The following LTA4H variants were observed in gnomAD, a reference collection of about 807,000 sequenced individuals.
The protein encoded by LTA4H is leukotriene A4 hydrolase, also known as leukotriene A-4 hydrolase.
LTA4H carries 59 observed loss-of-function variants against 89.8 expected under a neutral mutation model. The ratio of observed to expected loss-of-function variants is 0.66; its 90% CI spans 0.53 to 0.82. LTA4H has a LOEUF of 0.82. Among genes scored for constraint, LTA4H ranks in the 40% least tolerant of loss-of-function variants. The pLI is 0.00. For synonymous variants in LTA4H, 227 were observed against 253.1 expected (o/e 0.90, Z 0.98); for missense variants, 617 against 727.0 (o/e 0.85, Z 1.74).
At chr12:96,025,742 G>A (rs760947037) in intron 3 of LTA4H, among the ~76,000 whole-genome samples, 19 of 151,278 alleles carry the variant, frequency 1.3e-4, no homozygotes, top group Admixed American at 7.2e-4. Context: ...TAAAAGGATC[G>A]CTTGAGCCCA....
chr12:96,030,315 C>T (rs1950558594), intron 1 of LTA4H, among the ~76,000 whole-genome samples: 1 of 152,150 alleles, frequency 6.6e-6, no homozygotes, highest in Non-Finnish European at 1.5e-5. Flanking sequence ...CCTTCACTCC[C>T]TAGCTCTTAC....
At chr12:96,006,270 C>T in intron 16 of LTA4H, 44 bp downstream of exon 16, 1 of 1,246,110 alleles carries the variant, frequency 8.0e-7, no homozygotes, top group Non-Finnish European at 1.2e-6. Context: ...AATGCTGTGC[C>T]TTTCTGTCCA....
intron 7 of LTA4H, 60 bp downstream of exon 7, chr12:96,019,108 C>A (rs375217111): frequency 6.8e-7 from 1 of 1,476,860 alleles, no homozygotes; most frequent in South Asian, 1.2e-5. Flanking sequence ...ACATTTCACA[C>A]TCAAAATCTT....
intron 13 of LTA4H, among the ~76,000 whole-genome samples, 193 bp downstream of exon 13, chr12:96,013,557 T>C (rs764978410): frequency 2.0e-5 from 3 of 152,156 alleles, no homozygotes; most frequent in Non-Finnish European, 2.9e-5. Flanking sequence ...ATTGATGACT[T>C]CTCTGAAATA....
chr12:96,003,758 A>G (rs1486601810), intron 17 of LTA4H, 80 bp downstream of exon 17: 1 of 906,950 alleles, frequency 1.1e-6, no homozygotes, highest in African/African-American at 1.7e-5. Flanking sequence ...TATGTCTCAT[A>G]CTCTGCATTC....
At chr12:96,038,215 T>A (rs962239095), upstream of LTA4H, among the ~76,000 whole-genome samples, 2 of 152,050 alleles carry the variant, frequency 1.3e-5, no homozygotes, top group Non-Finnish European at 2.9e-5. Context: ...GTGACGAAAT[T>A]TAGCTCCAGC....
upstream of LTA4H, chr12:96,035,760 G>T: frequency 1.1e-6 from 1 of 931,400 alleles, no homozygotes; most frequent in Non-Finnish European, 1.5e-6. Flanking sequence ...TGTGTGTTAG[G>T]GATGTTGAGG....
upstream of LTA4H, among the ~76,000 whole-genome samples, chr12:96,036,613 G>A (rs1950649720): frequency 2.6e-5 from 4 of 152,194 alleles, no homozygotes; most frequent in African/African-American, 2.4e-5. Flanking sequence ...TTAGGATAGA[G>A]AGGAAGGAAT....
chr12:96,021,127 G>C lies in LTA4H; in HGVS notation c.596C>G (p.Pro199Arg), dbSNP rs1010200942. Residue 199 changes from proline (P) to arginine (R), a missense_variant, in exon 6 of 19, where the codon CCC becomes CGC. Physicochemically the swap from Pro to Arg is moderately radical, Grantham distance 103. Coordinates refer to ENST00000228740, the MANE Select transcript of LTA4H (RefSeq NM_000895.3). The stretch of plus-strand genomic sequence containing the variant: ...AACAACTAAAGCAATCAGGTAGCAG[G>C]GTATTGGAACCTAAAGAGGGCAAAC... Reference protein sequence around the residue: ...IYKFIQKVPIPCYLIALVVGA... With the variant: ...IYKFIQKVPIRCYLIALVVGA... The C allele has an allele frequency of 6.3e-7, 1 of 1,597,628 alleles. No individual in the cohort carries two copies. The highest frequency in any genetic ancestry group is 8.5e-7 in the Non-Finnish European group (1 of 1,175,194).
Position 96,006,363 on chromosome 12 carries a change from T to C in LTA4H, c.1481A>G (p.Asp494Gly). The C allele has an allele frequency of 6.2e-7, 1 of 1,612,218 alleles. No homozygotes were observed. Among genetic ancestry groups the C allele is most frequent in the Non-Finnish European group, 8.5e-7 (1 of 1,179,098 alleles). Residue 494 changes from aspartate to glycine, a missense_variant, in exon 16 of 19, where the codon GAT becomes GGT. By Grantham distance (94) the Asp-to-Gly change is moderately conservative. This residue lies in a region of LTA4H where 290 missense variants were observed against 339.1 expected (regional missense o/e 0.86). Coordinates refer to ENST00000228740, the MANE Select transcript of LTA4H (RefSeq NM_000895.3). ...CTCATTCAATTGATGAGAAGAGAGA[T>C]CCTTCAGGTCTGTGGCATTGAATGA... ...LNSFNATDLK[D>G]LSSHQLNEFL... is the part of the protein sequence containing the mutation.
chr12:96,026,600 A>G (rs548995910), intron 3 of LTA4H, among the ~76,000 whole-genome samples: 1 of 152,316 alleles, frequency 6.6e-6, no homozygotes, highest in East Asian at 1.9e-4. Flanking sequence ...GATTAAAAAG[A>G]TGTTTCAAGT....
chr12:96,032,092 A>G (rs1439837078), intron 1 of LTA4H, among the ~76,000 whole-genome samples: 15 of 152,380 alleles, frequency 9.8e-5, no homozygotes, highest in Admixed American at 7.2e-4. Flanking sequence ...CCATGGCACT[A>G]AAACCTCTTG....
At chr12:96,033,751 C>A (rs1028210181) in intron 1 of LTA4H, among the ~76,000 whole-genome samples, 1 of 152,128 alleles carries the variant, frequency 6.6e-6, no homozygotes, top group Non-Finnish European at 1.5e-5. Flanking sequence ...TGTTCCCCTC[C>A]CTGTGTCCAT....
chr12:96,037,761 T>TCGG (rs3834482), upstream of LTA4H, among the ~76,000 whole-genome samples: 15,008 of 146,420 alleles, frequency 0.1, 972 homozygotes, highest in East Asian at 0.29. Context: ...TGGCGCAATC[T>TCGG]CGGCTCACAC....
chr12:96,028,172 C>T (rs1327002338), intron 2 of LTA4H, among the ~76,000 whole-genome samples: 1 of 152,102 alleles, frequency 6.6e-6, no homozygotes, highest in Admixed American at 6.6e-5. Context: ...TCCTTTACCC[C>T]AGAGAGTTTG....
chr12:96,030,606 T>G (rs1477820105), intron 1 of LTA4H, among the ~76,000 whole-genome samples: 1 of 152,226 alleles, frequency 6.6e-6, no homozygotes, highest in East Asian at 1.9e-4. Context: ...AAGTTGTTCT[T>G]TCACAATGTC....
chr12:96,035,993 C>T (rs369134254), upstream of LTA4H, among the ~76,000 whole-genome samples: 1 of 152,134 alleles, frequency 6.6e-6, no homozygotes, highest in Non-Finnish European at 1.5e-5. Flanking sequence ...GTAGAAAAGG[C>T]CTATCAGAAG....
chr12:96,029,266 T>C (rs1202099339), intron 1 of LTA4H, 81 bp from the exon 2 acceptor site: 1 of 717,054 alleles, frequency 1.4e-6, no homozygotes, highest in African/African-American at 1.9e-5. Flanking sequence ...CTACAACAAC[T>C]AGTTGCTTAT....
intron 1 of LTA4H, 45 bp downstream of exon 1, chr12:96,035,316 A>T: frequency 6.4e-7 from 1 of 1,568,840 alleles, no homozygotes; most frequent in Non-Finnish European, 8.7e-7. Flanking sequence ...GTCGAGGGGC[A>T]GGGAGCCCGG....
Sources: gnomAD v4.1 joint callset for allele counts (sites outside exome capture counted in the v4.1 genomes callset) on GRCh38, gnomAD v4.1.1 for gene constraint, gnomAD v4.1.1 regional missense constraint, MANE v1.5 for transcripts, NCBI Gene and HGNC (gene_info 2026-07-23, HGNC 2026-07-21) for gene names.